GRIK4: variants seen among roughly 807,000 people sequenced by gnomAD.
GRIK4 encodes glutamate receptor ionotropic, kainate 4.
GRIK4 carries 40 observed loss-of-function variants against 104.9 expected under a neutral mutation model. The observed-to-expected ratio is 0.38, with a 90% CI of 0.30 to 0.50. The LOEUF (loss-of-function observed/expected upper bound fraction) is 0.50, where lower values mean the gene tolerates loss of function less well. Ranked by LOEUF, GRIK4 falls within the 20% of genes least tolerant of loss-of-function variation. The probability of loss-of-function intolerance (pLI) is 0.93; values close to 1 mark genes in which losing one functional copy is unlikely to be tolerated. For synonymous variants in GRIK4, 485 were observed against 524.9 expected (o/e 0.92, Z 1.04); for missense variants, 1,047 against 1,308.1 (o/e 0.80, Z 3.08).
intron 3 of GRIK4, among the ~76,000 whole-genome samples, chr11:120,778,471 T>C (rs890320286): frequency 6.6e-6 from 1 of 152,266 alleles, no homozygotes; most frequent in African/African-American, 2.4e-5. Context: ...TATTTAATGA[T>C]GTGGTTATTA....
intron 1 of GRIK4, among the ~76,000 whole-genome samples, chr11:120,598,658 C>T (rs1948839142): frequency 6.6e-6 from 1 of 152,204 alleles, no homozygotes; most frequent in Admixed American, 6.5e-5. Context: ...TGGCCTCCCT[C>T]AGTATCAGCT....
intron 3 of GRIK4, among the ~76,000 whole-genome samples, chr11:120,706,931 C>A (rs1220104620): frequency 6.6e-6 from 1 of 152,082 alleles, no homozygotes; most frequent in African/African-American, 2.4e-5. Context: ...GACAGTGGTG[C>A]CATGGTGCTG....
chr11:120,622,103 G>A (rs781701935), intron 1 of GRIK4, among the ~76,000 whole-genome samples: 1 of 152,122 alleles, frequency 6.6e-6, no homozygotes, highest in Non-Finnish European at 1.5e-5. Flanking sequence ...GTTTTGCCAT[G>A]TTGGCCAGGC....
intron 3 of GRIK4, among the ~76,000 whole-genome samples, chr11:120,772,073 T>G (rs1951953668): frequency 6.6e-6 from 1 of 152,212 alleles, no homozygotes; most frequent in Admixed American, 6.5e-5. Flanking sequence ...CCAAAGCCTT[T>G]GGGGCAGGAC....
intron 1 of GRIK4, among the ~76,000 whole-genome samples, chr11:120,648,364 C>T (rs113969958): frequency 0.011 from 1,715 of 152,302 alleles, 13 homozygotes; most frequent in Non-Finnish European, 0.018. Context: ...TGCCTGACCC[C>T]CTTAGGAGAC....
intron 3 of GRIK4, among the ~76,000 whole-genome samples, chr11:120,764,845 C>G: frequency 6.6e-6 from 1 of 152,154 alleles, no homozygotes; most frequent in Non-Finnish European, 1.5e-5. Flanking sequence ...TGATGGGCTT[C>G]CCTTTGTGGG....
intron 13 of GRIK4, among the ~76,000 whole-genome samples, chr11:120,917,247 C>CAAAAAAAAAAAAAAAAAAAA (rs199620498): frequency 5.7e-5 from 2 of 34,796 alleles, no homozygotes; most frequent in Non-Finnish European, 1.0e-4. Context: ...AACTCCGTCT[C>CAAAAAAAAAAAAAAAAAAAA]AAAAAAAAAA....
At chr11:120,612,252 T>C (rs1949046826) in intron 1 of GRIK4, among the ~76,000 whole-genome samples, 1 of 152,128 alleles carries the variant, frequency 6.6e-6, no homozygotes, top group African/African-American at 2.4e-5. Context: ...TTACCATTGG[T>C]AGAGTTTAAA....
In GRIK4 at chr11:120,905,246, A is replaced by G. The variant is rs1453973461; in HGVS notation, c.1273-44A>G. On this transcript the variant is annotated intron_variant, in intron 12 of 20. Coordinates refer to ENST00000527524, the MANE Select transcript of GRIK4 (RefSeq NM_014619.5). This position sits in a 1 kb window ranked among gnomAD's most constrained non-coding sequence, Gnocchi z 5.1. ...CCTCCCCATCACACGCGGGTGAGACACCAGGGCTAAGATGAGAATGACAGC... is the reference window on the plus strand; with the variant it reads ...CCTCCCCATCACACGCGGGTGAGACGCCAGGGCTAAGATGAGAATGACAGC... 4 of 1,424,808 alleles carry G rather than the reference A, an allele frequency of 2.8e-6. No homozygotes were observed. Among genetic ancestry groups the G allele is most frequent in the Admixed American group, 3.3e-5 (2 of 59,792 alleles). The allele number at this position is 1,424,808 out of a possible 1,614,324, so 88.3% of individuals were successfully genotyped here.
At chr11:120,562,451 C>A (rs2136103116) in intron 1 of GRIK4, among the ~76,000 whole-genome samples, 1 of 152,170 alleles carries the variant, frequency 6.6e-6, no homozygotes, top group Middle Eastern at 3.4e-3. Flanking sequence ...GGGAGGGCTT[C>A]CTGGAGGAGG....
At chr11:120,542,374 G>C (rs571455111) in intron 1 of GRIK4, among the ~76,000 whole-genome samples, 23 of 152,136 alleles carry the variant, frequency 1.5e-4, no homozygotes, top group Admixed American at 1.3e-4. Context: ...TAGGGAAAAT[G>C]GTCCTTCACA....
At chr11:120,717,150 G>A (rs924404895) in intron 3 of GRIK4, among the ~76,000 whole-genome samples, 2 of 152,192 alleles carry the variant, frequency 1.3e-5, no homozygotes, top group African/African-American at 4.8e-5. Flanking sequence ...CAGGTGCCCT[G>A]TGCTCATCGC....
chr11:120,795,800 G>A (rs1178992347), intron 3 of GRIK4, among the ~76,000 whole-genome samples: 3 of 152,088 alleles, frequency 2.0e-5, no homozygotes, highest in African/African-American at 7.2e-5. Context: ...GTATCCACTG[G>A]GGATTGGTTC....
chr11:120,655,644 A>T (rs561114755), intron 2 of GRIK4, among the ~76,000 whole-genome samples: 3 of 152,346 alleles, frequency 2.0e-5, no homozygotes, highest in African/African-American at 7.2e-5. Context: ...GTTGTTGCTG[A>T]CAAATGTCTG....
chr11:120,955,014 T>C (rs151268356), intron 15 of GRIK4, among the ~76,000 whole-genome samples: 246 of 152,264 alleles, frequency 1.6e-3, no homozygotes, highest in Middle Eastern at 3.4e-3. Flanking sequence ...TTATTTCTTA[T>C]ATATTGTACT....
At chr11:120,623,966 C>T (rs59643876) in intron 1 of GRIK4, among the ~76,000 whole-genome samples, 1 of 148,536 alleles carries the variant, frequency 6.7e-6, no homozygotes, top group Non-Finnish European at 1.5e-5. Flanking sequence ...TCTTCCTCCC[C>T]CTTCCCTCTT....
intron 1 of GRIK4, among the ~76,000 whole-genome samples, chr11:120,535,873 A>G (rs1300325559): frequency 2.0e-5 from 3 of 152,244 alleles, no homozygotes; most frequent in Non-Finnish European, 4.4e-5. Context: ...GCCTTCAGTC[A>G]GTAGGCATCA....
chr11:120,845,644 C>T lies in GRIK4; in HGVS notation c.744+8800C>T, dbSNP rs572058606. Reference sequence around the variant, plus strand: ...ACATATACACACACATCCCTATGCACACTTCTACACACACACACACACACA... The same window carrying T: ...ACATATACACACACATCCCTATGCATACTTCTACACACACACACACACACA... On this transcript the variant is annotated intron_variant, in intron 8 of 20. Coordinates refer to ENST00000527524, the MANE Select transcript of GRIK4 (RefSeq NM_014619.5). Among the ~76,000 whole-genome samples, 9 of 147,766 alleles carry T rather than the reference C, an allele frequency of 6.1e-5. No individual in the cohort carries two copies. The South Asian group carries it at 1.1e-3, about 17-fold the overall frequency.
At chr11:120,546,688 T>A (rs1948088228) in intron 1 of GRIK4, among the ~76,000 whole-genome samples, 1 of 152,118 alleles carries the variant, frequency 6.6e-6, no homozygotes, top group Admixed American at 6.5e-5. Context: ...GGGACATGCT[T>A]CTGGCTCAGC....
Sources: allele counts gnomAD v4.1 joint callset (sites outside exome capture counted in the v4.1 genomes callset), GRCh38; gene constraint gnomAD v4.1.1; non-coding constraint Gnocchi (gnomAD v3.1); transcripts MANE v1.5; gene names NCBI Gene and HGNC (gene_info 2026-07-23, HGNC 2026-07-21).